The following EML6 variants were observed in gnomAD, a reference collection of about 807,000 sequenced individuals.
The protein encoded by EML6 is echinoderm microtubule-associated protein-like 6.
EML6 carries 154 observed loss-of-function variants against 240.1 expected under a neutral mutation model. The ratio of observed to expected loss-of-function variants is 0.64; its 90% CI spans 0.56 to 0.73. The LOEUF is 0.73. Ranked by LOEUF, EML6 falls within the 30% of genes least tolerant of loss-of-function variation. EML6 has a pLI of 0.00. For missense variants in EML6, 2,964 were observed against 2,474.6 expected (o/e 1.20, Z -4.20); for synonymous variants, 1,148 against 899.0 (o/e 1.28, Z -4.95).
At chr2:54,788,240 T>G (rs1388842307) in intron 2 of EML6, among the ~76,000 whole-genome samples, 3 of 152,244 alleles carry the variant, frequency 2.0e-5, no homozygotes, top group African/African-American at 7.2e-5. Context: ...CGCTTCCTGT[T>G]GGCCTGCAAG....
At chr2:54,788,652 G>T (rs1288294328) in intron 2 of EML6, among the ~76,000 whole-genome samples, 1 of 152,132 alleles carries the variant, frequency 6.6e-6, no homozygotes, top group Non-Finnish European at 1.5e-5. Context: ...TATTTGGCTG[G>T]TTATATTAAC....
chr2:54,918,800 T>C (rs1282327883), intron 26 of EML6, among the ~76,000 whole-genome samples: 1 of 152,242 alleles, frequency 6.6e-6, no homozygotes, highest in African/African-American at 2.4e-5. Flanking sequence ...GATAGTGGTC[T>C]CTGTCATCCT....
intron 26 of EML6, among the ~76,000 whole-genome samples, chr2:54,924,554 T>TA (rs200993475): frequency 7.9e-5 from 12 of 152,208 alleles, no homozygotes; most frequent in African/African-American, 1.2e-4. Context: ...TATTTTTTTT[T>TA]AAAAAAATTA....
At chr2:54,943,590 G>C (rs1339383055) in intron 28 of EML6, among the ~76,000 whole-genome samples, 1 of 152,004 alleles carries the variant, frequency 6.6e-6, no homozygotes, top group African/African-American at 2.4e-5. Context: ...CCATTCTGCT[G>C]ACATGGGGGC....
At chr2:54,752,199 T>A (rs1289754834) in intron 2 of EML6, among the ~76,000 whole-genome samples, 1 of 152,164 alleles carries the variant, frequency 6.6e-6, no homozygotes, top group Non-Finnish European at 1.5e-5. Flanking sequence ...TCCACCATTA[T>A]AATACCTATA....
At chr2:54,916,122 A>G (rs2104317124) in intron 25 of EML6, among the ~76,000 whole-genome samples, 1 of 152,370 alleles carries the variant, frequency 6.6e-6, no homozygotes, top group South Asian at 2.1e-4. Context: ...TCTCTAGAGC[A>G]TACAGGATAT....
At chr2:54,948,395 A>C (rs1573200036) in intron 28 of EML6, among the ~76,000 whole-genome samples, 1 of 152,094 alleles carries the variant, frequency 6.6e-6, no homozygotes, top group East Asian at 1.9e-4. Flanking sequence ...TGTGGTCCTT[A>C]GGGCCCTTTC....
chr2:54,837,322 C>T (rs1227956646), intron 7 of EML6, among the ~76,000 whole-genome samples: 4 of 152,176 alleles, frequency 2.6e-5, no homozygotes, highest in African/African-American at 9.7e-5. Flanking sequence ...TGCTAGCTTG[C>T]TCTGTGACTT....
In EML6 at chr2:54,820,635, C is replaced by T. The variant is rs958010552; in HGVS notation, c.525+173C>T. Reference sequence around the variant, plus strand: ...CAAACTAACATCAGCTGATGGGGCTCTCTCTTAGAAATGCAAAGTAATGAC... The same window carrying T: ...CAAACTAACATCAGCTGATGGGGCTTTCTCTTAGAAATGCAAAGTAATGAC... On this transcript the variant is annotated intron_variant, in intron 5 of 41. Transcript: ENST00000356458. 2.6e-5 allele frequency among the ~76,000 whole-genome samples: 4 copies of T among 152,246 alleles called. No individual in the cohort carries two copies. The East Asian group carries it at 7.7e-4, about 29-fold the overall frequency.
rs563084852 is a variant in EML6, at chr2:54,848,306, G to A, written c.1187+683G>A. ...TTTGTAATTATAGAAAATAAATGCA[G>A]CTATAAAGTAAATATTTCCCGCTTT... On this transcript the variant is annotated intron_variant, in intron 9 of 41. Coordinates refer to ENST00000356458, the MANE Select transcript of EML6 (RefSeq NM_001039753.4). Among the ~76,000 whole-genome samples the A allele has an allele frequency of 2.6e-4, 39 of 152,264 alleles. No homozygotes were observed. The South Asian group carries it at 3.3e-3, about 13-fold the overall frequency.
chr2:54,953,908 T>G, intron 31 of EML6, 75 bp from the exon 32 acceptor site: 2 of 1,250,498 alleles, frequency 1.6e-6, no homozygotes, highest in Non-Finnish European at 2.2e-6. Context: ...AAAAAGGCTT[T>G]TACATGAACA....
chr2:54,775,109 A>C (rs950738808), intron 2 of EML6, among the ~76,000 whole-genome samples: 1 of 152,244 alleles, frequency 6.6e-6, no homozygotes, highest in Non-Finnish European at 1.5e-5. Context: ...CTGGTGTGCC[A>C]GTTCCCACTT....
chr2:54,806,534 A>T (rs1670492224), intron 2 of EML6, among the ~76,000 whole-genome samples: 1 of 140,700 alleles, frequency 7.1e-6, no homozygotes, highest in Admixed American at 8.0e-5. Flanking sequence ...AATCGCTTGA[A>T]CCTGGGAGGC....
rs549081147 is a variant in EML6, at chr2:54,887,052, G to A, written c.2439-4002G>A. On this transcript the variant is annotated intron_variant, in intron 17 of 41. Transcript: ENST00000356458. The stretch of plus-strand genomic sequence containing the variant: ...TATCTGGCAATTCTAAACAATGTTA[G>A]TGATGGAATTCCTTCCCTCCAGGAT... 4.6e-5 allele frequency among the ~76,000 whole-genome samples: 7 copies of A among 152,276 alleles called. No homozygotes were observed. In the South Asian group the frequency reaches 1.2e-3, roughly 27 times the overall value.
chr2:54,821,180 C>T (rs1158824111), intron 5 of EML6, among the ~76,000 whole-genome samples: 1 of 152,088 alleles, frequency 6.6e-6, no homozygotes, highest in Non-Finnish European at 1.5e-5. Flanking sequence ...TGCATGGATT[C>T]TGTACAAAAA....
intron 26 of EML6, among the ~76,000 whole-genome samples, chr2:54,920,381 A>T (rs1300034108): frequency 7.2e-5 from 11 of 152,198 alleles, no homozygotes; most frequent in Admixed American, 7.2e-4. Flanking sequence ...TACTTTGAGC[A>T]ATTACATGCC....
At chr2:54,751,634 T>A (rs553453726) in intron 2 of EML6, among the ~76,000 whole-genome samples, 40 of 152,344 alleles carry the variant, frequency 2.6e-4, no homozygotes, top group Middle Eastern at 6.8e-3. Context: ...GACAGATTTT[T>A]AAAAATCACT....
At chr2:54,959,389 A>T in intron 34 of EML6, 128 bp downstream of exon 34, 1 of 886,102 alleles carries the variant, frequency 1.1e-6, no homozygotes, top group Non-Finnish European at 1.7e-6. Flanking sequence ...TAGGAAGATC[A>T]GTCTGCTCTC....
intron 5 of EML6, among the ~76,000 whole-genome samples, chr2:54,823,057 C>T (rs1297048504): frequency 6.6e-6 from 1 of 152,066 alleles, no homozygotes; most frequent in East Asian, 1.9e-4. Context: ...ACCTGAAAGA[C>T]CAAAAACTCA....
Sources: gnomAD v4.1 joint callset for allele counts (sites outside exome capture counted in the v4.1 genomes callset) on GRCh38, gnomAD v4.1.1 for gene constraint, MANE v1.5 for transcripts, NCBI Gene and HGNC (gene_info 2026-07-23, HGNC 2026-07-21) for gene names.